PPFIA4: variants seen among roughly 807,000 people sequenced by gnomAD.
PPFIA4 encodes liprin-alpha-4.
In PPFIA4, 98 loss-of-function variants were observed where a neutral mutation model predicts 145.7. The ratio of observed to expected loss-of-function variants is 0.67; its 90% CI spans 0.57 to 0.80. The LOEUF (loss-of-function observed/expected upper bound fraction) is 0.80. Ranked by LOEUF, PPFIA4 falls within the 30% of genes least tolerant of loss-of-function variation. The pLI is 0.00. For synonymous variants in PPFIA4, 628 were observed against 649.6 expected, an observed-to-expected ratio of 0.97 and a Z score of 0.51; for missense variants, 1,457 against 1,632.7, an observed-to-expected ratio of 0.89 and a Z score of 1.85.
intron 13 of PPFIA4, among the ~76,000 whole-genome samples, chr1:203,050,725 G>A (rs1338865937): frequency 6.6e-6 from 1 of 152,136 alleles, no homozygotes; most frequent in African/African-American, 2.4e-5. Context: ...CGCTCGCCAG[G>A]AATTATTGTA....
In PPFIA4 at chr1:203,064,463, C is replaced by T. The variant is rs374674336; in HGVS notation, c.3050+460C>T. ...CCGACATCCCAGATCGGAACCTCTC[C>T]GCTTTGGGCTCACATCCCTTTTTAT... is the stretch of plus-strand genomic sequence containing the variant. On this transcript the variant is annotated intron_variant, in intron 25 of 29. Coordinates refer to ENST00000295706, the MANE Select transcript of PPFIA4 (RefSeq NM_001304331.2). Among the ~76,000 whole-genome samples the T allele has an allele frequency of 1.8e-4, 27 of 152,278 alleles. No individual in the cohort carries two copies. The East Asian group carries it at 4.2e-3, about 24-fold the overall frequency.
chr1:203,068,297 GGAGA>G lies in PPFIA4; in HGVS notation c.3149-153_3149-150del, dbSNP rs1337411532. 1.3e-5 allele frequency among the ~76,000 whole-genome samples: 2 copies of G among 152,148 alleles called. No homozygotes were observed. Among genetic ancestry groups the G allele is most frequent in the Non-Finnish European group, 2.9e-5 (2 of 68,020 alleles). On this transcript the variant is annotated intron_variant, in intron 26 of 29. Coordinates refer to ENST00000295706, the MANE Select transcript of PPFIA4 (RefSeq NM_001304331.2). The surrounding 1 kb of genome is among the most constrained non-coding windows in gnomAD (Gnocchi z 4.7). ...TCCCCAGGCACCCAGGTGCCAGGGA[GGAGA>G]GAAAGAAGATATGGAAATTTAGGGA...
chr1:203,036,630 C>T (rs1478366224), intron 1 of PPFIA4, among the ~76,000 whole-genome samples: 2 of 152,138 alleles, frequency 1.3e-5, no homozygotes, highest in Non-Finnish European at 2.9e-5. Flanking sequence ...GGCCTTTCAG[C>T]CTCAGGGCTG....
In PPFIA4 at chr1:203,032,426, C is replaced by CTTT. The variant is rs67178955; in HGVS notation, c.-400+5801_-400+5803dup. ...GAGGCTTGTAGTTCTCCCTTCCCCG[C>CTTT]TTTTTTGTTGTTGTTGTTGTTTTTG... On this transcript the variant is annotated intron_variant, in intron 1 of 29. Transcript: ENST00000295706. 1.8e-4 allele frequency among the ~76,000 whole-genome samples: 11 copies of CTTT among 59,492 alleles called. 1 individual carries two copies. The highest frequency in any genetic ancestry group is 1.1e-3 in the East Asian group (4 of 3,570). 39.0% of individuals were successfully genotyped at this position (59,492 alleles called of 152,430 possible). A position where few individuals can be genotyped will look rare whatever the true frequency, so the allele number is the denominator to read the frequency against.
intron 1 of PPFIA4, among the ~76,000 whole-genome samples, chr1:203,036,599 G>C (rs368258579): frequency 6.6e-6 from 1 of 152,204 alleles, no homozygotes; most frequent in Admixed American, 6.5e-5. Flanking sequence ...ATGAGCTTGG[G>C]GGGGTAGGCT....
chr1:203,035,615 C>T (rs1298625293), intron 1 of PPFIA4: 12 of 456,826 alleles, frequency 2.6e-5, no homozygotes, highest in Non-Finnish European at 5.3e-5. Flanking sequence ...TGGGGACTGG[C>T]AGCTTTCGCC....
At chr1:203,073,911 T>G (rs112889606) in intron 28 of PPFIA4, among the ~76,000 whole-genome samples, 2 of 152,152 alleles carry the variant, frequency 1.3e-5, no homozygotes, top group African/African-American at 2.4e-5. Flanking sequence ...GGAATGGGAC[T>G]CCTGCATAAA....
intron 4 of PPFIA4, 25 bp downstream of exon 4, chr1:203,044,120 A>G (rs774619163): frequency 5.2e-6 from 8 of 1,551,820 alleles, no homozygotes; most frequent in South Asian, 1.2e-5. Context: ...GCCAGCCCCC[A>G]CATCCAGCCA....
In PPFIA4 at chr1:203,063,945, G is replaced by T; in HGVS notation, c.2992G>T (p.Asp998Tyr). 1 of 1,614,016 alleles carries T rather than the reference G, an allele frequency of 6.2e-7. No individual in the cohort carries two copies. The highest frequency in any genetic ancestry group is 8.5e-7 in the Non-Finnish European group (1 of 1,179,902). Residue 998 changes from aspartate (D) to tyrosine (Y), a missense_variant, in exon 25 of 30, where the codon GAC becomes TAC. Coordinates refer to ENST00000295706, the MANE Select transcript of PPFIA4 (RefSeq NM_001304331.2). ...MECLVDARML[D>Y]HLTKKDLRVH... is the part of the protein sequence containing the mutation. ...GTGCCTGGTGGACGCCCGCATGCTG[G>T]ACCACCTCACCAAGAAGGACCTGCG...
intron 1 of PPFIA4, among the ~76,000 whole-genome samples, chr1:203,030,294 A>T (rs1658724582): frequency 6.6e-6 from 1 of 150,730 alleles, no homozygotes; most frequent in Non-Finnish European, 1.5e-5. Flanking sequence ...GTGAGGCTGG[A>T]TGGGAGAGGG....
intron 1 of PPFIA4, among the ~76,000 whole-genome samples, chr1:203,033,036 G>A (rs569653757): frequency 8.5e-5 from 13 of 152,174 alleles, no homozygotes; most frequent in Non-Finnish European, 1.5e-4. Context: ...GCTTCCTTCC[G>A]TGTCCCCTGA....
chr1:203,033,772 G>A (rs1177664428), intron 1 of PPFIA4, among the ~76,000 whole-genome samples: 2 of 152,166 alleles, frequency 1.3e-5, no homozygotes, highest in Non-Finnish European at 1.5e-5. Flanking sequence ...GAGGTCAGGA[G>A]TTCAAGACCA....
At chr1:203,057,216 T>A (rs969898011) in intron 19 of PPFIA4, among the ~76,000 whole-genome samples, 7 of 152,226 alleles carry the variant, frequency 4.6e-5, no homozygotes, top group Non-Finnish European at 1.0e-4. Flanking sequence ...AAAGGTCTCC[T>A]GTATTGAGTG....
intron 17 of PPFIA4, 78 bp downstream of exon 17, chr1:203,056,233 G>T: frequency 6.8e-6 from 11 of 1,607,538 alleles, no homozygotes; most frequent in Non-Finnish European, 7.7e-6. Context: ...CTCCCCCAGG[G>T]CCCTTGAGTC....
At chr1:203,027,998 T>C (rs1350781357) in intron 1 of PPFIA4, among the ~76,000 whole-genome samples, 1 of 152,176 alleles carries the variant, frequency 6.6e-6, no homozygotes, top group Admixed American at 6.5e-5. Context: ...TGATTTCCCT[T>C]GGTTATTTTC....
At position 203,044,720 on chromosome 1, in the gene PPFIA4, G is replaced by C. The variant is rs1264944754; in HGVS notation, c.601G>C (p.Gly201Arg). ...GGTGTCTGCCCTGCAGCAGGGGGCA[G>C]GGGTGCGGGATGGAGCGGCAGAAGA... Reference protein sequence around the residue: ...QQVSALQQGAGVRDGAAEEEG... With the variant: ...QQVSALQQGARVRDGAAEEEG... The change falls in exon 6 of 30, where the codon GGG becomes CGG. Residue 201 changes from glycine to arginine, a missense_variant. This residue lies in a region of PPFIA4 where 463 missense variants were observed against 459.8 expected (regional missense o/e 1.01). Transcript: ENST00000295706. 1 of 1,561,648 alleles carries C rather than the reference G, an allele frequency of 6.4e-7. No individual in the cohort carries two copies. Among genetic ancestry groups the C allele is most frequent in the East Asian group, 2.4e-5 (1 of 42,262 alleles).
intron 1 of PPFIA4, chr1:203,034,887 CCTGGTTCT>C (rs895861191): frequency 2.8e-6 from 1 of 351,518 alleles, no homozygotes; most frequent in African/African-American, 2.1e-5. Flanking sequence ...CAAATTGAAT[CCTGGTTCT>C]TCATTTCACT....
chr1:203,061,770 C>T, intron 24 of PPFIA4, 92 bp downstream of exon 24: 4 of 1,346,068 alleles, frequency 3.0e-6, no homozygotes, highest in Non-Finnish European at 4.0e-6. Context: ...ATCTCTGAGT[C>T]CTTCATATGA....
chr1:203,054,671 G>GACACACACAC (rs57027876), intron 15 of PPFIA4, among the ~76,000 whole-genome samples: 28 of 148,308 alleles, frequency 1.9e-4, no homozygotes, highest in African/African-American at 2.2e-4. Context: ...TTACAAAGAA[G>GACACACACAC]ACACACACAC....
Sources: gnomAD v4.1 joint callset for allele counts (sites outside exome capture counted in the v4.1 genomes callset) on GRCh38, gnomAD v4.1.1 for gene constraint, gnomAD v4.1.1 regional missense constraint, Gnocchi (gnomAD v3.1) non-coding constraint, MANE v1.5 for transcripts, NCBI Gene and HGNC (gene_info 2026-07-23, HGNC 2026-07-21) for gene names.